PRUNE1: variants seen among roughly 807,000 people sequenced by gnomAD.
PRUNE1 encodes the protein prune exopolyphosphatase 1.
Under a neutral mutation model 42.5 loss-of-function variants are expected in PRUNE1, and 25 were observed. The ratio of observed to expected loss-of-function variants is 0.59; its 90% CI spans 0.43 to 0.82. The LOEUF (loss-of-function observed/expected upper bound fraction) is 0.82, where lower values mean the gene tolerates loss of function less well. Among genes scored for constraint, PRUNE1 ranks in the 40% least tolerant of loss-of-function variants. The pLI is 0.00. For synonymous variants in PRUNE1, 203 were observed against 217.1 expected, an observed-to-expected ratio of 0.93 and a Z score of 0.57; for missense variants, 443 against 539.3, an observed-to-expected ratio of 0.82 and a Z score of 1.77.
intron 1 of PRUNE1, 90 bp from the exon 2 acceptor site, chr1:151,017,722 C>T: frequency 2.5e-6 from 2 of 787,462 alleles, no homozygotes; most frequent in Non-Finnish European, 3.8e-6. Flanking sequence ...TGAGACCTGT[C>T]TCAAAAATAT....
intron 6 of PRUNE1, among the ~76,000 whole-genome samples, chr1:151,027,747 A>AGTGT (rs3034003): frequency 0.051 from 6,622 of 130,690 alleles, 171 homozygotes; most frequent in Middle Eastern, 0.1. Flanking sequence ...ACACCTAACT[A>AGTGT]GTGTGTGTGT....
At chr1:151,027,634 T>A (rs1674940075) in intron 6 of PRUNE1, among the ~76,000 whole-genome samples, 1 of 147,520 alleles carries the variant, frequency 6.8e-6, no homozygotes, top group Admixed American at 7.0e-5. Context: ...CAGGCTAGAG[T>A]ACAGTGGTAC....
At chr1:151,011,155 G>C (rs1422612091) in intron 1 of PRUNE1, among the ~76,000 whole-genome samples, 2 of 152,184 alleles carry the variant, frequency 1.3e-5, no homozygotes, top group Non-Finnish European at 2.9e-5. Context: ...GAATGTTTCT[G>C]TTAAACTACA....
At position 151,024,601 on chromosome 1, in the gene PRUNE1, C is replaced by T. The variant is rs771298056; in HGVS notation, c.336-10C>T. On this transcript the variant is annotated splice_polypyrimidine_tract_variant and intron_variant, in intron 3 of 7. Coordinates refer to ENST00000271620, the MANE Select transcript of PRUNE1 (RefSeq NM_021222.3). ...TTTCTTCCTCTTTTCCCATACCCTCCCCTCCACAGAAGTGACACAGCCCTA... is the reference window on the plus strand; with the variant it reads ...TTTCTTCCTCTTTTCCCATACCCTCTCCTCCACAGAAGTGACACAGCCCTA... 93 of 1,595,102 alleles carry T rather than the reference C, an allele frequency of 5.8e-5. No homozygotes were observed. Among genetic ancestry groups the T allele is most frequent in the Non-Finnish European group, 7.9e-5 (92 of 1,162,926 alleles).
intron 7 of PRUNE1, among the ~76,000 whole-genome samples, chr1:151,031,265 A>G (rs1571818163): frequency 6.8e-6 from 1 of 146,598 alleles, no homozygotes; most frequent in Admixed American, 7.0e-5. Flanking sequence ...ATCTCAGCTC[A>G]CTGCAACCTC....
At chr1:151,008,781 T>A in intron 1 of PRUNE1, 110 bp downstream of exon 1, 4 of 1,327,610 alleles carry the variant, frequency 3.0e-6, no homozygotes, top group Non-Finnish European at 4.3e-6. Context: ...AACACTGAGT[T>A]GTGGGGAGGG....
chr1:151,022,718 T>C (rs1005858552), intron 3 of PRUNE1: 2 of 148,690 alleles, frequency 1.3e-5, no homozygotes, highest in Admixed American at 6.9e-5. Flanking sequence ...GCCCAGCCTT[T>C]ATTTTTTATT....
At chr1:151,013,494 C>T (rs1418931639) in intron 1 of PRUNE1, among the ~76,000 whole-genome samples, 1 of 152,208 alleles carries the variant, frequency 6.6e-6, no homozygotes, top group Non-Finnish European at 1.5e-5. Flanking sequence ...TTGTGCTTTT[C>T]TGCTTAGCAT....
rs909946433 is a variant in PRUNE1, at chr1:151,035,105, T to C, written c.*871T>C. 1 of 152,210 alleles carries C rather than the reference T, an allele frequency of 6.6e-6. No homozygotes were observed. The highest frequency in any genetic ancestry group is 2.4e-5 in the African/African-American group (1 of 41,454). The allele number at this position is 152,210 out of a possible 1,614,324, so 9.4% of individuals were successfully genotyped here. On this transcript the variant is annotated 3_prime_UTR_variant, in exon 8 of 8. Transcript: ENST00000271620. ...TCCTTGCTCACATTAAAAGGAAGCA[T>C]GGAGTTCTAATGCTCCCATAAACTA...
chr1:151,023,445 C>T (rs1031162732), intron 3 of PRUNE1, among the ~76,000 whole-genome samples: 3 of 152,234 alleles, frequency 2.0e-5, no homozygotes, highest in Admixed American at 6.5e-5. Context: ...ATTTGCTGGG[C>T]GCGGTGGCTC....
At chr1:151,027,428 A>G (rs1674921169) in intron 6 of PRUNE1, 101 bp downstream of exon 6, 13 of 792,946 alleles carry the variant, frequency 1.6e-5, no homozygotes, top group Non-Finnish European at 2.7e-5. Context: ...TCCAAAATGT[A>G]TCTTGTGTCT....
intron 1 of PRUNE1, among the ~76,000 whole-genome samples, chr1:151,009,840 C>T (rs1463834920): frequency 6.6e-6 from 1 of 152,140 alleles, no homozygotes; most frequent in Non-Finnish European, 1.5e-5. Context: ...GAACCAATCC[C>T]TTTTTGTTAC....
intron 1 of PRUNE1, among the ~76,000 whole-genome samples, chr1:151,009,642 T>A (rs1364344877): frequency 6.6e-6 from 1 of 152,316 alleles, no homozygotes; most frequent in African/African-American, 2.4e-5. Context: ...CAAATTCCCC[T>A]GAGGGACAGA....
chr1:151,031,179 G>A (rs1027963251), intron 7 of PRUNE1, among the ~76,000 whole-genome samples: 17 of 127,570 alleles, frequency 1.3e-4, no homozygotes, highest in Non-Finnish European at 2.2e-4. Context: ...TTGTTTTTGT[G>A]TGTGTGTGTG....
intron 1 of PRUNE1, among the ~76,000 whole-genome samples, chr1:151,011,586 G>A (rs587666834): frequency 6.6e-6 from 1 of 152,036 alleles, no homozygotes; most frequent in East Asian, 1.9e-4. Context: ...TTTCTGTCTC[G>A]TTTATTTTTC....
In PRUNE1 at chr1:151,028,860, T is replaced by C; in HGVS notation, c.849T>C (p.Val283=). ...FCQAHSYDVL[V]AMTIFFNTHN... ...AGGCTCACAGCTATGATGTCCTGGT[T>C]GCCATGACTATCTTTTTCAACACTC... The change falls in exon 7 of 8, where the codon GTT becomes GTC. Residue 283 remains valine (V), a synonymous_variant. Transcript: ENST00000271620. 2 of 1,613,996 alleles carry C rather than the reference T, an allele frequency of 1.2e-6. No homozygotes were observed. Among genetic ancestry groups the C allele is most frequent in the Non-Finnish European group, 1.7e-6 (2 of 1,179,860 alleles).
At chr1:151,031,790 T>C (rs587674246) in intron 7 of PRUNE1, among the ~76,000 whole-genome samples, 22 of 152,302 alleles carry the variant, frequency 1.4e-4, no homozygotes, top group African/African-American at 5.1e-4. Flanking sequence ...CTTGAGCACA[T>C]TTATACACTT....
At chr1:151,030,048 G>C (rs1168451185) in intron 7 of PRUNE1, among the ~76,000 whole-genome samples, 2 of 152,028 alleles carry the variant, frequency 1.3e-5, no homozygotes, top group East Asian at 3.9e-4. Flanking sequence ...CAGATCACGA[G>C]AGCAAGAGAT....
intron 1 of PRUNE1, among the ~76,000 whole-genome samples, chr1:151,014,718 T>C (rs1394540285): frequency 2.0e-5 from 3 of 152,172 alleles, no homozygotes; most frequent in Non-Finnish European, 4.4e-5. Context: ...ACTATATGGA[T>C]TTTCACCTTC....
Sources: gnomAD v4.1 joint callset for allele counts (sites outside exome capture counted in the v4.1 genomes callset) on GRCh38, gnomAD v4.1.1 for gene constraint, MANE v1.5 for transcripts, NCBI Gene and HGNC (gene_info 2026-07-23, HGNC 2026-07-21) for gene names.